CEP128: variants seen among roughly 807,000 people sequenced by gnomAD.
CEP128 encodes centrosomal protein 128kDa.
CEP128 carries 132 observed loss-of-function variants against 156.7 expected under a neutral mutation model. The observed-to-expected ratio is 0.84, with a 90% confidence interval of 0.73 to 0.97. The LOEUF is 0.97. Ranked by LOEUF, CEP128 falls within the 50% of genes least tolerant of loss-of-function variation. The pLI is 0.00. For synonymous variants in CEP128, 469 were observed against 448.9 expected (o/e 1.04, Z -0.57); for missense variants, 1,252 against 1,281.9 (o/e 0.98, Z 0.36).
At chr14:80,949,403 G>A (rs906701081) in intron 2 of CEP128, among the ~76,000 whole-genome samples, 18 of 152,006 alleles carry the variant, frequency 1.2e-4, no homozygotes, top group Non-Finnish European at 2.5e-4. Flanking sequence ...AACTATAAAG[G>A]GTCTCCATGG....
At chr14:80,679,095 C>T (rs1437011708) in intron 19 of CEP128, among the ~76,000 whole-genome samples, 1 of 152,086 alleles carries the variant, frequency 6.6e-6, no homozygotes, top group Non-Finnish European at 1.5e-5. Context: ...ATCCTGTTAT[C>T]TTCATAAGCT....
upstream of CEP128, chr14:80,942,378 A>G (rs369009228): frequency 6.6e-6 from 1 of 152,084 alleles, no homozygotes; most frequent in East Asian, 1.9e-4. Context: ...TCATCTCCTC[A>G]CTCTAGAACA....
chr14:80,733,339 C>CGT (rs55964142), intron 19 of CEP128, among the ~76,000 whole-genome samples: 12,493 of 140,066 alleles, frequency 0.089, 817 homozygotes, highest in East Asian at 0.3. Flanking sequence ...CCACATGGGT[C>CGT]GTGTGTGTGT....
chr14:80,480,218 A>G (rs1283880029), intron 14 of CEP128, among the ~76,000 whole-genome samples: 1 of 152,162 alleles, frequency 6.6e-6, no homozygotes, highest in Non-Finnish European at 1.5e-5. Flanking sequence ...CTGACCCCAC[A>G]TTTCTCTTCT....
intron 17 of CEP128, among the ~76,000 whole-genome samples, chr14:80,761,030 T>C (rs1899937085): frequency 1.3e-5 from 2 of 152,040 alleles, no homozygotes; most frequent in South Asian, 4.1e-4. Flanking sequence ...TAGGGTTGTT[T>C]CAGAGGATAA....
chr14:80,867,414 C>T (rs1362960453), intron 8 of CEP128, among the ~76,000 whole-genome samples: 1 of 151,994 alleles, frequency 6.6e-6, no homozygotes, highest in Non-Finnish European at 1.5e-5. Context: ...TTGCAATTGA[C>T]CACACGAAGC....
intron 16 of CEP128, among the ~76,000 whole-genome samples, chr14:80,773,841 A>T (rs921414929): frequency 5.9e-5 from 9 of 152,202 alleles, no homozygotes; most frequent in African/African-American, 2.2e-4. Flanking sequence ...TCACCATAAA[A>T]TGTAAGCAAA....
intron 19 of CEP128, among the ~76,000 whole-genome samples, chr14:80,662,237 C>T (rs935321346): frequency 1.3e-4 from 20 of 152,112 alleles, no homozygotes; most frequent in African/African-American, 4.8e-4. Context: ...TGAAAAGTGG[C>T]TGATTTACAT....
chr14:80,726,536 C>G (rs188643662), intron 19 of CEP128, among the ~76,000 whole-genome samples: 1 of 152,240 alleles, frequency 6.6e-6, no homozygotes, highest in East Asian at 1.9e-4. Flanking sequence ...TCCCTAAAAG[C>G]AGAGAGTGTC....
chr14:80,634,698 C>T (rs1894109453), intron 19 of CEP128, among the ~76,000 whole-genome samples: 1 of 152,068 alleles, frequency 6.6e-6, no homozygotes, highest in Non-Finnish European at 1.5e-5. Context: ...TGTTTTGCCC[C>T]CACTTTTCCC....
chr14:80,776,077 G>C (rs1335299398), intron 16 of CEP128, among the ~76,000 whole-genome samples: 1 of 152,044 alleles, frequency 6.6e-6, no homozygotes, highest in Non-Finnish European at 1.5e-5. Flanking sequence ...CAGGTGATCC[G>C]CCCACCTCAG....
intron 19 of CEP128, among the ~76,000 whole-genome samples, chr14:80,623,715 A>G (rs1893589908): frequency 6.6e-6 from 1 of 152,042 alleles, no homozygotes; most frequent in South Asian, 2.1e-4. Context: ...AAAGCTTGAT[A>G]CTCTAATTAG....
At chr14:80,647,764 A>G (rs960596535) in intron 19 of CEP128, among the ~76,000 whole-genome samples, 31 of 152,208 alleles carry the variant, frequency 2.0e-4, no homozygotes, top group African/African-American at 5.5e-4. Flanking sequence ...AGCTCAAAAT[A>G]TCAATGGTGC....
At chr14:80,653,205 G>A (rs977679768) in intron 19 of CEP128, among the ~76,000 whole-genome samples, 1 of 152,026 alleles carries the variant, frequency 6.6e-6, no homozygotes, top group African/African-American at 2.4e-5. Flanking sequence ...GGTAAGGGAG[G>A]GATAGCATTA....
intron 16 of CEP128, among the ~76,000 whole-genome samples, chr14:80,766,130 G>A (rs752767190): frequency 4.6e-5 from 7 of 152,230 alleles, no homozygotes; most frequent in South Asian, 2.1e-4. Context: ...ATCCATCTGC[G>A]CTGAAGAAGT....
Position 80,831,170 on chromosome 14 carries a change from C to T in CEP128, c.1182G>A (p.Glu394=), listed in dbSNP as rs1343343268. The change falls in exon 13 of 25, where the codon GAG becomes GAA. Residue 394 remains glutamate (E), a synonymous_variant. Transcript: ENST00000555265. The part of the protein sequence containing the change: ...VKRCMERKDK[E]KAHLASQVEN... ...CTACTTGTGATGCCAAATGTGCTTT[C>T]TCCTTGTCTTTTCTCTCCATGCACC... The T allele has an allele frequency of 1.2e-6, 2 of 1,613,856 alleles. No individual in the cohort carries two copies. The highest frequency in any genetic ancestry group is 3.3e-5 in the Admixed American group (2 of 59,994).
chr14:80,797,673 T>G (rs1883569654), intron 13 of CEP128, among the ~76,000 whole-genome samples: 1 of 152,132 alleles, frequency 6.6e-6, no homozygotes, highest in African/African-American at 2.4e-5. Flanking sequence ...ATCAAAGGAC[T>G]ATACTACAGA....
At chr14:80,661,454 G>A (rs1182345313) in intron 19 of CEP128, among the ~76,000 whole-genome samples, 2 of 152,074 alleles carry the variant, frequency 1.3e-5, no homozygotes, top group Non-Finnish European at 2.9e-5. Context: ...CTTTTTAACT[G>A]GAGATACAGT....
intron 19 of CEP128, among the ~76,000 whole-genome samples, chr14:80,618,425 T>C (rs1350284045): frequency 1.3e-5 from 2 of 152,276 alleles, no homozygotes; most frequent in Middle Eastern, 3.2e-3. Context: ...GGCAAGAAGA[T>C]GGCTCTAGCT....
Sources: allele counts gnomAD v4.1 joint callset (sites outside exome capture counted in the v4.1 genomes callset), GRCh38; gene constraint gnomAD v4.1.1; transcripts MANE v1.5; gene names NCBI Gene and HGNC (gene_info 2026-07-23, HGNC 2026-07-21).